ZC3HC1: variants seen among roughly 807,000 people sequenced by gnomAD.
ZC3HC1 encodes the protein zinc finger C3HC-type protein 1.
In ZC3HC1, 38 loss-of-function variants were observed where a neutral mutation model predicts 61.9. The observed-to-expected ratio is 0.61, with a 90% CI of 0.47 to 0.81. The LOEUF (loss-of-function observed/expected upper bound fraction) is 0.81. Among genes scored for constraint, ZC3HC1 ranks in the 30% least tolerant of loss-of-function variants. ZC3HC1 has a pLI of 0.00. For missense variants in ZC3HC1, 554 were observed against 622.7 expected (o/e 0.89, Z 1.17); for synonymous variants, 213 against 229.9 (o/e 0.93, Z 0.67).
intron 2 of ZC3HC1, 51 bp from the exon 3 acceptor site, chr7:130,041,152 GTA>G (rs368647938): frequency 8.7e-5 from 103 of 1,185,678 alleles, no homozygotes; most frequent in Middle Eastern, 4.5e-4. Flanking sequence ...ATATGTGTGT[GTA>G]TGTGTGTGTG....
Position 130,033,445 on chromosome 7 carries a change from C to CTTTTTTTTTTTTTTTTTTTTTTTTT in ZC3HC1, c.494-4441_494-4417dup, listed in dbSNP as rs3043729. ...TTGTCTGTAGCATTTCTATAGCATT[C>CTTTTTTTTTTTTTTTTTTTTTTTTT]TTTTTTTTTTTTTTTTTTTTTTTTT... On this transcript the variant is annotated intron_variant, in intron 4 of 9. Coordinates refer to ENST00000358303, the MANE Select transcript of ZC3HC1 (RefSeq NM_016478.5). 2.4e-5 allele frequency among the ~76,000 whole-genome samples: 2 copies of CTTTTTTTTTTTTTTTTTTTTTTTTT among 82,852 alleles called. 1 individual carries two copies. Among genetic ancestry groups the CTTTTTTTTTTTTTTTTTTTTTTTTT allele is most frequent in the African/African-American group, 1.0e-4 (2 of 20,028 alleles). The allele number at this position is 82,852 out of a possible 152,430, so 54.4% of individuals were successfully genotyped here. A position where few individuals can be genotyped will look rare whatever the true frequency, so the allele number is the denominator to read the frequency against.
At chr7:130,026,948 C>T (rs941010585) in intron 5 of ZC3HC1, 2 of 129,674 alleles carry the variant, frequency 1.5e-5, no homozygotes, top group Admixed American at 9.4e-5. Flanking sequence ...CCAGCCTGGG[C>T]GAATGAGCAA....
At chr7:130,047,252 C>T (rs960107850) in intron 2 of ZC3HC1, among the ~76,000 whole-genome samples, 4 of 152,054 alleles carry the variant, frequency 2.6e-5, no homozygotes, top group Non-Finnish European at 5.9e-5. Flanking sequence ...TAAGCCACCA[C>T]GCCCGGCCTA....
chr7:130,047,682 T>C (rs895704067), intron 2 of ZC3HC1, among the ~76,000 whole-genome samples: 5 of 133,400 alleles, frequency 3.7e-5, no homozygotes, highest in Non-Finnish European at 6.7e-5. Context: ...CACACACGGG[T>C]AGGGGTGCAA....
intron 9 of ZC3HC1, among the ~76,000 whole-genome samples, chr7:130,020,326 G>A (rs1793585494): frequency 6.7e-6 from 1 of 148,564 alleles, no homozygotes; most frequent in African/African-American, 2.5e-5. Flanking sequence ...ACGCTGGAGT[G>A]TAGTAGTGCG....
At chr7:130,048,584 A>G (rs1449347164) in intron 2 of ZC3HC1, among the ~76,000 whole-genome samples, 1 of 152,202 alleles carries the variant, frequency 6.6e-6, no homozygotes, top group East Asian at 1.9e-4. Context: ...AGAAAGAGAC[A>G]TTATAGTAGT....
chr7:130,031,799 AAC>A (rs1387220812), intron 4 of ZC3HC1, among the ~76,000 whole-genome samples: 1 of 152,200 alleles, frequency 6.6e-6, no homozygotes, highest in Non-Finnish European at 1.5e-5. Context: ...AGTGAAGGCT[AAC>A]ACAGAACTGC....
Position 130,023,387 on chromosome 7 carries a change from T to A in ZC3HC1, c.1233+124A>T, listed in dbSNP as rs1793733583. 7.4e-6 allele frequency: 7 copies of A among 947,154 alleles called. No homozygotes were observed. In the South Asian group the frequency reaches 1.1e-4, roughly 15 times the overall value. The allele number at this position is 947,154 out of a possible 1,614,324, so 58.7% of individuals were successfully genotyped here. A position where few individuals can be genotyped will look rare whatever the true frequency, so the allele number is the denominator to read the frequency against. ...CCCTTTGGTCATCCAACTTTAAATT[T>A]ATTCACATGGTCTACTTTTTGCATT... On this transcript the variant is annotated intron_variant, in intron 8 of 9. Transcript: ENST00000358303. The surrounding 1 kb of genome is among the most constrained non-coding windows in gnomAD (Gnocchi z 4.2).
intron 5 of ZC3HC1, 36 bp downstream of exon 5, chr7:130,028,866 C>T: frequency 6.2e-7 from 1 of 1,601,644 alleles, no homozygotes; most frequent in Non-Finnish European, 8.5e-7. Context: ...CTGGCAACAA[C>T]TGGAGGCCAT....
At chr7:130,046,272 C>T (rs1477915157) in intron 2 of ZC3HC1, among the ~76,000 whole-genome samples, 6 of 151,984 alleles carry the variant, frequency 3.9e-5, no homozygotes, top group African/African-American at 1.4e-4. Context: ...GTAACAAACC[C>T]GCACATCCTA....
chr7:130,026,369 A>C, intron 5 of ZC3HC1, 57 bp from the exon 6 acceptor site: 2 of 1,559,894 alleles, frequency 1.3e-6, no homozygotes, highest in Non-Finnish European at 1.7e-6. Flanking sequence ...GAAAAATTAC[A>C]CATTATAACA....
Position 130,022,409 on chromosome 7 carries a change from G to A in ZC3HC1, c.1350C>T (p.Ala450=). 1.2e-6 allele frequency: 2 copies of A among 1,613,024 alleles called. No homozygotes were observed. Among genetic ancestry groups the A allele is most frequent in the South Asian group, 2.2e-5 (2 of 90,894 alleles). Reference sequence around the variant, plus strand: ...TCCAGCCTGGCTCTGCTGGGGCGCTGGCATCTGGTTCAGTTCCACCATTCT... The same window carrying A: ...TCCAGCCTGGCTCTGCTGGGGCGCTAGCATCTGGTTCAGTTCCACCATTCT... ...SRENGGTEPD[A]SAPAEPGWKA... The change falls in exon 9 of 10, where the codon GCC becomes GCT. Residue 450 remains alanine (A), a synonymous_variant. Transcript: ENST00000358303.
chr7:130,047,705 A>G (rs1014366058), intron 2 of ZC3HC1, among the ~76,000 whole-genome samples: 8 of 152,014 alleles, frequency 5.3e-5, no homozygotes, highest in African/African-American at 1.9e-4. Flanking sequence ...TTGGCAGGAA[A>G]AAAAAGCAGC....
chr7:130,021,152 C>A (rs925499672), intron 9 of ZC3HC1, among the ~76,000 whole-genome samples: 10 of 151,660 alleles, frequency 6.6e-5, no homozygotes, highest in Non-Finnish European at 1.3e-4. Flanking sequence ...GTGATCCATT[C>A]GCCTTGGCCT....
At chr7:130,019,809 GTTTTTT>G (rs754542017) in intron 9 of ZC3HC1, among the ~76,000 whole-genome samples, 1 of 95,798 alleles carries the variant, frequency 1.0e-5, no homozygotes, top group Non-Finnish European at 2.1e-5. Flanking sequence ...GCTTTCACAG[GTTTTTT>G]TTTTTTTTTT....
Position 130,023,443 on chromosome 7 carries a change from C to T in ZC3HC1, c.1233+68G>A. 6.7e-7 allele frequency: 1 copy of T among 1,487,094 alleles called. No homozygotes were observed. Among genetic ancestry groups the T allele is most frequent in the South Asian group, 1.2e-5 (1 of 82,490 alleles). 92.1% of individuals were successfully genotyped at this position (1,487,094 alleles called of 1,614,324 possible). A position where few individuals can be genotyped will look rare whatever the true frequency, so the allele number is the denominator to read the frequency against. On this transcript the variant is annotated intron_variant, in intron 8 of 9. Transcript: ENST00000358303. This position sits in a 1 kb window ranked among gnomAD's most constrained non-coding sequence, Gnocchi z 4.2. ...ACGGAAGGGCTCCTGCCTGCTTCTCCATGCTGCCTAGGGAGGGCCCAATAT... is the reference window on the plus strand; with the variant it reads ...ACGGAAGGGCTCCTGCCTGCTTCTCTATGCTGCCTAGGGAGGGCCCAATAT...
intron 2 of ZC3HC1, 50 bp from the exon 3 acceptor site, chr7:130,041,151 T>TGC (rs1478477741): frequency 7.3e-7 from 1 of 1,377,622 alleles, no homozygotes; most frequent in Non-Finnish European, 9.7e-7. Context: ...TATATGTGTG[T>TGC]GTATGTGTGT....
At position 130,039,268 on chromosome 7, in the gene ZC3HC1, C is replaced by G. The variant is rs915667337; in HGVS notation, c.493+196G>C. 5.4e-6 allele frequency: 3 copies of G among 560,004 alleles called. No homozygotes were observed. The East Asian group carries it at 9.0e-5, about 17-fold the overall frequency. The allele number at this position is 560,004 out of a possible 1,614,324, so 34.7% of individuals were successfully genotyped here. ...CTGAGGCAGGAGAATTGCTTGAACG[C>G]GGGAGGCGAAGGTTGCAGTGAGCCA... is the stretch of plus-strand genomic sequence containing the variant. On this transcript the variant is annotated intron_variant, in intron 4 of 9. Coordinates refer to ENST00000358303, the MANE Select transcript of ZC3HC1 (RefSeq NM_016478.5).
intron 6 of ZC3HC1, among the ~76,000 whole-genome samples, chr7:130,024,910 T>C (rs1793827636): frequency 1.5e-5 from 2 of 137,394 alleles, no homozygotes; most frequent in Admixed American, 1.5e-4. Flanking sequence ...TTTTTTTTTT[T>C]TTTTTTTTTT....
Sources: allele counts gnomAD v4.1 joint callset (sites outside exome capture counted in the v4.1 genomes callset), GRCh38; gene constraint gnomAD v4.1.1; non-coding constraint Gnocchi (gnomAD v3.1); transcripts MANE v1.5; gene names NCBI Gene and HGNC (gene_info 2026-07-23, HGNC 2026-07-21).